The following FLVCR1 variants were observed in gnomAD, a reference collection of about 807,000 sequenced individuals.
FLVCR1 encodes FLVCR choline and heme transporter 1.
A neutral mutation model predicts 53.6 loss-of-function variants in FLVCR1; 34 were observed. That is an observed-to-expected ratio of 0.63 (90% CI 0.48 to 0.84). The LOEUF is 0.84. FLVCR1 is among the 40% of genes least tolerant of loss of function. The pLI is 0.00. For synonymous variants in FLVCR1, 300 were observed against 286.3 expected (o/e 1.05, Z -0.48); for missense variants, 677 against 696.7 (o/e 0.97, Z 0.32).
chr1:212,860,749 A>G (rs1218194485), intron 1 of FLVCR1, among the ~76,000 whole-genome samples: 1 of 152,188 alleles, frequency 6.6e-6, no homozygotes, highest in Non-Finnish European at 1.5e-5. Flanking sequence ...ACACAGCTGT[A>G]TCACCAGCAT....
intron 5 of FLVCR1, among the ~76,000 whole-genome samples, chr1:212,886,781 G>A (rs1166012694): frequency 2.0e-5 from 3 of 151,988 alleles, no homozygotes; most frequent in African/African-American, 7.3e-5. Context: ...CAGCCTGGGT[G>A]ACAGAGCAAG....
intron 3 of FLVCR1, among the ~76,000 whole-genome samples, chr1:212,880,216 T>C (rs1664886196): frequency 6.6e-6 from 1 of 152,154 alleles, no homozygotes; most frequent in Non-Finnish European, 1.5e-5. Context: ...ATAAGTGTTG[T>C]TAACAAGTTT....
intron 3 of FLVCR1, among the ~76,000 whole-genome samples, chr1:212,880,258 G>T (rs183583755): frequency 2.6e-5 from 4 of 152,118 alleles, no homozygotes; most frequent in African/African-American, 9.7e-5. Flanking sequence ...TCCTTTAATC[G>T]CCAGTTTAAA....
chr1:212,882,937 T>C (rs932990411), intron 3 of FLVCR1, among the ~76,000 whole-genome samples: 5 of 152,174 alleles, frequency 3.3e-5, no homozygotes, highest in African/African-American at 1.2e-4. Flanking sequence ...TTATGAATTT[T>C]CAGTAAGTCT....
At chr1:212,883,535 C>T in intron 4 of FLVCR1, 97 bp downstream of exon 4, 1 of 691,288 alleles carries the variant, frequency 1.4e-6, no homozygotes. Context: ...AGGGTTATGA[C>T]ATTGTTGCTA....
chr1:212,883,509 C>T (rs1664975934), intron 4 of FLVCR1, 71 bp downstream of exon 4: 2 of 804,608 alleles, frequency 2.5e-6, no homozygotes, highest in Admixed American at 3.8e-5. Flanking sequence ...TTGTCGTTAG[C>T]AGGGTCATGA....
At chr1:212,889,587 C>T (rs886281836) in intron 8 of FLVCR1, among the ~76,000 whole-genome samples, 5 of 151,804 alleles carry the variant, frequency 3.3e-5, no homozygotes, top group Admixed American at 1.3e-4. Flanking sequence ...GCCAACATGG[C>T]GAAACCCCGT....
chr1:212,886,039 G>GTCCT (rs1665055414), intron 5 of FLVCR1, among the ~76,000 whole-genome samples: 2 of 66,306 alleles, frequency 3.0e-5, no homozygotes, highest in Admixed American at 2.1e-4. Flanking sequence ...ACTTTATCTT[G>GTCCT]TTCTTTTTTT....
intron 2 of FLVCR1, among the ~76,000 whole-genome samples, chr1:212,865,485 A>ATTTTTTTTTTTTTTTTTTTT (rs58544929): frequency 7.5e-6 from 1 of 133,656 alleles, no homozygotes. Flanking sequence ...TGCAATAGGG[A>ATTTTTTTTTTTTTTTTTTTT]TTTTTTTTTT....
At chr1:212,860,174 C>G (rs1439492142) in intron 1 of FLVCR1, among the ~76,000 whole-genome samples, 1 of 152,022 alleles carries the variant, frequency 6.6e-6, no homozygotes, top group Admixed American at 6.6e-5. Context: ...CTCAGGTGGC[C>G]AAGGCATGAG....
chr1:212,871,397 T>A (rs1664592061), intron 2 of FLVCR1, among the ~76,000 whole-genome samples: 1 of 152,148 alleles, frequency 6.6e-6, no homozygotes, highest in African/African-American at 2.4e-5. Context: ...TAAATAGTTT[T>A]TTGTGTTTTT....
Position 212,894,968 on chromosome 1 carries a change from G to A in FLVCR1, c.1526-18G>A, listed in dbSNP as rs765101974. On this transcript the variant is annotated intron_variant, in intron 8 of 9. Coordinates refer to ENST00000366971, the MANE Select transcript of FLVCR1 (RefSeq NM_014053.4). Reference sequence around the variant, plus strand: ...TTCACATAACAGTTTATAGTAACTTGATGCCCCTCTGTTTCAGCATTAATC... The same window carrying A: ...TTCACATAACAGTTTATAGTAACTTAATGCCCCTCTGTTTCAGCATTAATC... The A allele has an allele frequency of 6.4e-7, 1 of 1,570,496 alleles. No homozygotes were observed. Among genetic ancestry groups the A allele is most frequent in the South Asian group, 1.1e-5 (1 of 90,196 alleles).
chr1:212,879,487 C>T (rs1334337894), intron 3 of FLVCR1, among the ~76,000 whole-genome samples: 1 of 152,128 alleles, frequency 6.6e-6, no homozygotes, highest in South Asian at 2.1e-4. Flanking sequence ...ATCATATATG[C>T]AGTGTCCCAA....
chr1:212,891,905 T>TA (rs1665203508), intron 8 of FLVCR1, among the ~76,000 whole-genome samples: 1 of 152,176 alleles, frequency 6.6e-6, no homozygotes, highest in Non-Finnish European at 1.5e-5. Context: ...ACACAAATGA[T>TA]AAAACAGCCT....
rs371265397 is a variant in FLVCR1, at chr1:212,865,236, C to T, written c.883+1367C>T. Among the ~76,000 whole-genome samples the T allele has an allele frequency of 4.0e-3, 596 of 150,794 alleles. 7 individuals carry two copies. The highest frequency in any genetic ancestry group is 0.014 in the African/African-American group (577 of 40,978). On this transcript the variant is annotated intron_variant, in intron 2 of 9. Coordinates refer to ENST00000366971, the MANE Select transcript of FLVCR1 (RefSeq NM_014053.4). ...TGTTGGTGTGCTGCACCCATTAACT[C>T]GTCATTTACATTAGGTATATCTCCT...
In FLVCR1 at chr1:212,858,919, C is replaced by T; in HGVS notation, c.467C>T (p.Ala156Val). The T allele has an allele frequency of 6.2e-7, 1 of 1,614,252 alleles. No homozygotes were observed. Among genetic ancestry groups the T allele is most frequent in the South Asian group, 1.1e-5 (1 of 91,088 alleles). Residue 156 changes from alanine to valine, a missense_variant, in exon 1 of 10, where the codon GCC (alanine) becomes GTC (valine). Physicochemically the swap from Ala to Val is moderately conservative, Grantham distance 64. Transcript: ENST00000366971. ...TGGCTGTCCATGGTGTACATGCTGG[C>T]CTACGTGCCCCTCATCTTCCCGGCC... ...IDWLSMVYML[A>V]YVPLIFPATW... is the part of the protein sequence containing the mutation.
chr1:212,887,998 T>G lies in FLVCR1; in HGVS notation c.1304T>G (p.Leu435Arg), dbSNP rs151017281. Residue 435 changes from leucine to arginine, a missense_variant, in exon 6 of 10, where the codon CTT (leucine) becomes CGT (arginine). Transcript: ENST00000366971. ...IIIVFVTGGV[L>R]GFFMTGYLPL... ...ATCGTGTTTGTTACTGGAGGGGTGC[T>G]TGGGTAAGTATCAGATGTGTTTAGG... The G allele has an allele frequency of 1.3e-6, 2 of 1,542,004 alleles. No individual in the cohort carries two copies. The highest frequency in any genetic ancestry group is 2.7e-5 in the African/African-American group (2 of 73,516).
chr1:212,893,041 A>G (rs1158610274), intron 8 of FLVCR1, among the ~76,000 whole-genome samples: 3 of 147,394 alleles, frequency 2.0e-5, no homozygotes, highest in African/African-American at 7.6e-5. Context: ...AACCTGAAGA[A>G]ATGAAGGGTT....
chr1:212,884,607 G>A (rs1248474664), intron 4 of FLVCR1, among the ~76,000 whole-genome samples: 6 of 152,218 alleles, frequency 3.9e-5, no homozygotes, highest in South Asian at 2.1e-4. Context: ...TAAAGCAGTT[G>A]TACTATGTAA....
Sources: allele counts gnomAD v4.1 joint callset (sites outside exome capture counted in the v4.1 genomes callset), GRCh38; gene constraint gnomAD v4.1.1; transcripts MANE v1.5; gene names NCBI Gene and HGNC (gene_info 2026-07-23, HGNC 2026-07-21).